The following EML6 variants were observed in gnomAD, a reference collection of about 807,000 sequenced individuals.
The protein encoded by EML6 is echinoderm microtubule-associated protein-like 6.
In EML6, 154 loss-of-function variants were observed where a neutral mutation model predicts 240.1. The observed-to-expected ratio is 0.64, with a 90% CI of 0.56 to 0.73. The LOEUF (loss-of-function observed/expected upper bound fraction) is 0.73, where lower values mean the gene tolerates loss of function less well. Ranked by LOEUF, EML6 falls within the 30% of genes least tolerant of loss-of-function variation. EML6 has a pLI of 0.00. For synonymous variants in EML6, 1,148 were observed against 899.0 expected (o/e 1.28, Z -4.95); for missense variants, 2,964 against 2,474.6 (o/e 1.20, Z -4.20).
intron 18 of EML6, among the ~76,000 whole-genome samples, chr2:54,891,449 C>G (rs1672463427): frequency 6.6e-6 from 1 of 152,120 alleles, no homozygotes; most frequent in Non-Finnish European, 1.5e-5. Context: ...GACTACTGCA[C>G]AGGAAATAAA....
intron 2 of EML6, among the ~76,000 whole-genome samples, chr2:54,801,031 C>T (rs1670109870): frequency 6.6e-6 from 1 of 152,020 alleles, no homozygotes; most frequent in Non-Finnish European, 1.5e-5. Context: ...TTAAAAGTCG[C>T]TCATTGAGGC....
At chr2:54,869,673 G>T (rs1389996652) in intron 15 of EML6, among the ~76,000 whole-genome samples, 3 of 151,958 alleles carry the variant, frequency 2.0e-5, no homozygotes, top group Admixed American at 6.6e-5. Context: ...TGTATGCCCA[G>T]GATTTAGTAT....
intron 12 of EML6, among the ~76,000 whole-genome samples, chr2:54,861,495 T>G (rs1429986606): frequency 1.3e-5 from 2 of 152,190 alleles, no homozygotes; most frequent in Admixed American, 6.5e-5. Flanking sequence ...TAAATGACTG[T>G]GCTCAGCTTC....
chr2:54,748,718 T>A (rs1015171933), intron 2 of EML6, among the ~76,000 whole-genome samples: 2 of 152,080 alleles, frequency 1.3e-5, no homozygotes, highest in African/African-American at 4.8e-5. Context: ...TGCCACACTC[T>A]CTGCTAATTT....
chr2:54,892,697 T>A, intron 19 of EML6, 41 bp downstream of exon 19: 1 of 1,486,850 alleles, frequency 6.7e-7, no homozygotes, highest in South Asian at 1.2e-5. Context: ...TCATCAGCCT[T>A]CTAAAATTAT....
At chr2:54,767,978 A>G (rs1406557596) in intron 2 of EML6, among the ~76,000 whole-genome samples, 1 of 152,100 alleles carries the variant, frequency 6.6e-6, no homozygotes, top group Non-Finnish European at 1.5e-5. Flanking sequence ...GCATGAGATC[A>G]CATTCAGAGT....
intron 2 of EML6, among the ~76,000 whole-genome samples, chr2:54,798,365 G>T (rs1365407524): frequency 6.6e-6 from 1 of 152,026 alleles, no homozygotes; most frequent in Non-Finnish European, 1.5e-5. Context: ...AGTAGAGATG[G>T]GGTTTCACCA....
At chr2:54,880,481 A>G (rs1000353988) in intron 17 of EML6, 1 of 152,294 alleles carries the variant, frequency 6.6e-6, no homozygotes. Context: ...ATAGGAAAAA[A>G]GTTTTGTGGG....
intron 35 of EML6, among the ~76,000 whole-genome samples, chr2:54,962,082 TG>T (rs1201589431): frequency 1.5e-5 from 2 of 131,662 alleles, no homozygotes; most frequent in African/African-American, 6.6e-5. Context: ...TCAAGTTACT[TG>T]TTTTTTTTTT....
chr2:54,797,208 A>C lies in EML6; in HGVS notation c.198-16024A>C, dbSNP rs1669864072. Reference sequence around the variant, plus strand: ...AAAAAAACTGTGATCTTGTAGGTCTAAGGTTGAGTCTGAGGAGCTGTATTT... The same window carrying C: ...AAAAAAACTGTGATCTTGTAGGTCTCAGGTTGAGTCTGAGGAGCTGTATTT... On this transcript the variant is annotated intron_variant, in intron 2 of 41. Coordinates refer to ENST00000356458, the MANE Select transcript of EML6 (RefSeq NM_001039753.4). Among the ~76,000 whole-genome samples, 6 of 148,348 alleles carry C rather than the reference A, an allele frequency of 4.0e-5. No individual in the cohort carries two copies. The South Asian group carries it at 1.3e-3, about 32-fold the overall frequency.
intron 33 of EML6, among the ~76,000 whole-genome samples, chr2:54,958,547 CAGG>C (rs1299360493): frequency 6.6e-6 from 1 of 151,932 alleles, no homozygotes; most frequent in Admixed American, 6.6e-5. Context: ...CCACCCAGGA[CAGG>C]AGGTTTGTTG....
At chr2:54,883,571 T>TGGG (rs1671956866) in intron 17 of EML6, among the ~76,000 whole-genome samples, 1 of 152,164 alleles carries the variant, frequency 6.6e-6, no homozygotes, top group Non-Finnish European at 1.5e-5. Context: ...TGCTTGCTGG[T>TGGG]GGGTTTATAT....
At chr2:54,805,494 C>T (rs1395784779) in intron 2 of EML6, among the ~76,000 whole-genome samples, 1 of 152,034 alleles carries the variant, frequency 6.6e-6, no homozygotes, top group Non-Finnish European at 1.5e-5. Flanking sequence ...TTTAGTTGTC[C>T]TTAACATTGT....
intron 18 of EML6, 148 bp downstream of exon 18, chr2:54,891,302 A>T (rs1672456297): frequency 2.0e-6 from 1 of 505,478 alleles, no homozygotes; most frequent in Non-Finnish European, 3.6e-6. Context: ...AAGTTCGCTT[A>T]GAACGCTTGA....
chr2:54,848,587 A>G (rs1669901177), intron 9 of EML6, among the ~76,000 whole-genome samples: 1 of 150,192 alleles, frequency 6.7e-6, no homozygotes, highest in Admixed American at 6.7e-5. Context: ...ACATTCTAGT[A>G]CACCATAATG....
At chr2:54,961,292 C>T (rs1174184818) in intron 35 of EML6, among the ~76,000 whole-genome samples, 1 of 149,188 alleles carries the variant, frequency 6.7e-6, no homozygotes, top group Non-Finnish European at 1.5e-5. Context: ...TCGAGCGATT[C>T]TCCTGCCTCA....
At chr2:54,830,472 C>G (rs1668813841) in intron 7 of EML6, among the ~76,000 whole-genome samples, 1 of 152,074 alleles carries the variant, frequency 6.6e-6, no homozygotes, top group South Asian at 2.1e-4. Flanking sequence ...TAGAGAAGAC[C>G]CTGTGACATA....
intron 8 of EML6, among the ~76,000 whole-genome samples, chr2:54,847,204 C>T (rs932376404): frequency 1.3e-5 from 2 of 152,122 alleles, no homozygotes; most frequent in African/African-American, 4.8e-5. Context: ...CCATCATGCC[C>T]AGCCTTAAAT....
intron 26 of EML6, 113 bp from the exon 27 acceptor site, chr2:54,928,200 G>C: frequency 1.2e-6 from 1 of 838,228 alleles, no homozygotes; most frequent in East Asian, 2.6e-5. Context: ...TTGAAATGTA[G>C]GAAATTGCTG....
Sources: gnomAD v4.1 joint callset for allele counts (sites outside exome capture counted in the v4.1 genomes callset) on GRCh38, gnomAD v4.1.1 for gene constraint, MANE v1.5 for transcripts, NCBI Gene and HGNC (gene_info 2026-07-23, HGNC 2026-07-21) for gene names.